The following GDA variants were observed in gnomAD, a reference collection of about 807,000 sequenced individuals.
The protein encoded by GDA is cytoplasmic PSD-95 interactor.
Under a neutral mutation model 59.6 loss-of-function variants are expected in GDA, and 18 were observed. The ratio of observed to expected loss-of-function variants is 0.30; its 90% CI spans 0.21 to 0.45. The LOEUF (loss-of-function observed/expected upper bound fraction) is 0.45. Ranked by LOEUF, GDA falls within the 20% of genes least tolerant of loss-of-function variation. The pLI, the probability that GDA is intolerant of heterozygous loss-of-function variation, is 1.00. For missense variants in GDA, 427 were observed against 552.3 expected (o/e 0.77, Z 2.27); for synonymous variants, 201 against 201.1 (o/e 1.00, Z 0.00).
intron 5 of GDA, among the ~76,000 whole-genome samples, chr9:72,217,216 C>T (rs1355352768): frequency 6.6e-6 from 1 of 152,138 alleles, no homozygotes; most frequent in Non-Finnish European, 1.5e-5. Context: ...AGTTCACATC[C>T]ACTTTAGATA....
chr9:72,193,377 G>A (rs751756797), intron 1 of GDA, among the ~76,000 whole-genome samples: 1 of 152,228 alleles, frequency 6.6e-6, no homozygotes, highest in Non-Finnish European at 1.5e-5. Context: ...TTGCAGACTC[G>A]TAAAGGTAGT....
At chr9:72,195,337 CTTTTTTTTT>C (rs55634274) in intron 1 of GDA, among the ~76,000 whole-genome samples, 154 bp from the exon 2 acceptor site, 1 of 119,560 alleles carries the variant, frequency 8.4e-6, no homozygotes, top group African/African-American at 3.1e-5. Context: ...AAACACCTGT[CTTTTTTTTT>C]TTTTTTTTTG....
intron 5 of GDA, among the ~76,000 whole-genome samples, chr9:72,217,915 AT>A (rs1836344744): frequency 6.6e-6 from 1 of 151,378 alleles, no homozygotes; most frequent in South Asian, 2.1e-4. Context: ...TTTATTTTCT[AT>A]TTTTTATTTT....
rs1333027229 is a variant in GDA at position 72,149,551 on chromosome 9, G to A, written c.-9G>A. ...GACCAGCAGACCCGCGCTGCGCTCCGCCGCTGACATGTGTGCCGCTCAGAT... is the reference window on the plus strand; with the variant it reads ...GACCAGCAGACCCGCGCTGCGCTCCACCGCTGACATGTGTGCCGCTCAGAT... On this transcript the variant is annotated 5_prime_UTR_variant, in exon 1 of 14. Transcript: ENST00000358399. 2.5e-6 allele frequency: 4 copies of A among 1,608,736 alleles called. No homozygotes were observed. The highest frequency in any genetic ancestry group is 2.3e-5 in the East Asian group (1 of 44,428).
intron 10 of GDA, among the ~76,000 whole-genome samples, chr9:72,236,349 A>G (rs1459397298): frequency 6.6e-6 from 1 of 152,158 alleles, no homozygotes; most frequent in Non-Finnish European, 1.5e-5. Context: ...TTAGTCTGTA[A>G]TAAGCGTATA....
rs1839583739 is a variant in GDA, at chr9:72,241,296, A to G, written c.1133A>G (p.Gln378Arg). The G allele has an allele frequency of 1.3e-6, 2 of 1,596,072 alleles. No individual in the cohort carries two copies. The highest frequency in any genetic ancestry group is 8.6e-7 in the Non-Finnish European group (1 of 1,166,500). ...AGACTAGCTACTCTTGGAGGAAGCC[A>G]AGGTAATGACTCTTACATTTTTCTC... ...VFRLATLGGS[Q>R]ALGLDGEIGN... is the part of the protein sequence containing the mutation. The change falls in exon 11 of 14, where the codon CAA (glutamine) becomes CGA (arginine). Residue 378 changes from glutamine to arginine, a missense_variant and splice_region_variant. Transcript: ENST00000358399.
intron 1 of GDA, among the ~76,000 whole-genome samples, chr9:72,165,897 CAAA>C (rs1279218324): frequency 3.1e-5 from 3 of 95,738 alleles, no homozygotes; most frequent in African/African-American, 3.8e-5. Flanking sequence ...GACTCTGTCT[CAAA>C]AAAAAAAAAA....
chr9:72,148,568 TA>T (rs1197516603), upstream of GDA, among the ~76,000 whole-genome samples: 1 of 151,918 alleles, frequency 6.6e-6, no homozygotes, highest in African/African-American at 2.4e-5. Flanking sequence ...CAAGAGGGAT[TA>T]GGGGCAGAAG....
intron 2 of GDA, among the ~76,000 whole-genome samples, chr9:72,196,412 G>T (rs538356334): frequency 1.3e-5 from 2 of 151,196 alleles, no homozygotes; most frequent in African/African-American, 4.9e-5. Context: ...CTTGAAGCCC[G>T]GGGGGCAGAG....
intron 1 of GDA, among the ~76,000 whole-genome samples, chr9:72,117,930 T>C (rs1454710384): frequency 1.3e-5 from 2 of 152,064 alleles, no homozygotes; most frequent in Non-Finnish European, 2.9e-5. Context: ...GGACAAAATA[T>C]TGGTTGAATG....
chr9:72,244,107 G>A (rs1386035308), intron 11 of GDA, among the ~76,000 whole-genome samples: 1 of 151,444 alleles, frequency 6.6e-6, no homozygotes, highest in Non-Finnish European at 1.5e-5. Context: ...AACCCAGGAG[G>A]CACAGCTTGC....
chr9:72,180,520 G>A (rs1162633452), intron 1 of GDA, among the ~76,000 whole-genome samples: 1 of 152,214 alleles, frequency 6.6e-6, no homozygotes, highest in Non-Finnish European at 1.5e-5. Flanking sequence ...AAGAGAGAGA[G>A]AGTGAGTGCT....
Position 72,227,953 on chromosome 9 carries a change from C to A in GDA, c.833C>A (p.Ala278Glu). 1 of 1,595,552 alleles carries A rather than the reference C, an allele frequency of 6.3e-7. No individual in the cohort carries two copies. Among genetic ancestry groups the A allele is most frequent in the Non-Finnish European group, 8.6e-7 (1 of 1,163,958 alleles). The change falls in exon 9 of 14, where the codon GCA (alanine) becomes GAA (glutamate). Residue 278 changes from alanine (A) to glutamate (E), a missense_variant. Coordinates refer to ENST00000358399, the MANE Select transcript of GDA (RefSeq NM_004293.5). ...NNLLTNKTVM[A>E]HGCYLSAEEL... Reference sequence around the variant, plus strand: ...CACTCTTCTCTCCAGACAGTGATGGCACACGGCTGCTACCTCTCTGCAGAA... The same window carrying A: ...CACTCTTCTCTCCAGACAGTGATGGAACACGGCTGCTACCTCTCTGCAGAA...
At chr9:72,222,426 T>C (rs1476620923) in intron 6 of GDA, among the ~76,000 whole-genome samples, 1 of 152,222 alleles carries the variant, frequency 6.6e-6, no homozygotes, top group Non-Finnish European at 1.5e-5. Context: ...TTTTTTCTTA[T>C]AAATTTGTCT....
intron 1 of GDA, among the ~76,000 whole-genome samples, chr9:72,135,182 A>G (rs564891250): frequency 1.2e-4 from 18 of 152,020 alleles, no homozygotes; most frequent in African/African-American, 1.7e-4. Context: ...TTAACCAAAG[A>G]TGAATTAAAG....
chr9:72,215,584 T>G (rs1015171192), intron 5 of GDA, among the ~76,000 whole-genome samples: 1 of 151,982 alleles, frequency 6.6e-6, no homozygotes, highest in African/African-American at 2.4e-5. Flanking sequence ...GAAGATGTGG[T>G]TCCTTTTTCT....
intron 1 of GDA, 63 bp from the exon 2 acceptor site, chr9:72,195,437 A>C: frequency 1.6e-6 from 1 of 621,706 alleles, no homozygotes. Context: ...CATATTTAAT[A>C]AAAAACAAAT....
At chr9:72,147,643 C>A (rs922788612), upstream of GDA, among the ~76,000 whole-genome samples, 1 of 149,744 alleles carries the variant, frequency 6.7e-6, no homozygotes, top group African/African-American at 2.5e-5. Context: ...TTTAGGTTTT[C>A]ATTAAAACCT....
At chr9:72,230,648 C>A (rs978834879) in intron 9 of GDA, among the ~76,000 whole-genome samples, 1 of 151,908 alleles carries the variant, frequency 6.6e-6, no homozygotes, top group African/African-American at 2.4e-5. Context: ...AGGCTGCACC[C>A]CTTTTTCTAG....
Sources: allele counts gnomAD v4.1 joint callset (sites outside exome capture counted in the v4.1 genomes callset), GRCh38; gene constraint gnomAD v4.1.1; transcripts MANE v1.5; gene names NCBI Gene and HGNC (gene_info 2026-07-23, HGNC 2026-07-21).